The following FAM13A variants were observed in gnomAD, a reference collection of about 807,000 sequenced individuals.
The protein encoded by FAM13A is family with sequence similarity 13 member A.
A neutral mutation model predicts 129.6 loss-of-function variants in FAM13A; 76 were observed. The ratio of observed to expected loss-of-function variants is 0.59; its 90% CI spans 0.49 to 0.71. The LOEUF is 0.71. Ranked by LOEUF, FAM13A falls within the 30% of genes least tolerant of loss-of-function variation. The pLI is 0.00. For missense variants in FAM13A, 1,108 were observed against 1,249.3 expected, an observed-to-expected ratio of 0.89 and a Z score of 1.70; for synonymous variants, 443 against 449.9, an observed-to-expected ratio of 0.98 and a Z score of 0.20.
intron 7 of FAM13A, among the ~76,000 whole-genome samples, chr4:88,832,886 C>A (rs910451796): frequency 6.6e-6 from 1 of 152,106 alleles, no homozygotes; most frequent in Non-Finnish European, 1.5e-5. Flanking sequence ...TGGGTATATA[C>A]ACCCCAAAAT....
chr4:88,968,343 G>C (rs2148940179), intron 4 of FAM13A, among the ~76,000 whole-genome samples: 1 of 152,212 alleles, frequency 6.6e-6, no homozygotes, highest in East Asian at 1.9e-4. Context: ...TAAACAATTA[G>C]GGATAAAAGT....
rs1190086861 is a variant in FAM13A, at chr4:88,750,415, G to C, written c.1940+9C>G. The C allele has an allele frequency of 1.2e-6, 2 of 1,606,534 alleles. No individual in the cohort carries two copies. The highest frequency in any genetic ancestry group is 1.7e-6 in the Non-Finnish European group (2 of 1,173,008). ...TGCATTTGTCTATCAGCAACACAGA[G>C]AAACATACCTCATGAAAGAATGGGA... On this transcript the variant is annotated intron_variant, in intron 15 of 23. Coordinates refer to ENST00000264344, the MANE Select transcript of FAM13A (RefSeq NM_014883.4).
At chr4:88,933,591 C>T (rs1198109048) in intron 5 of FAM13A, among the ~76,000 whole-genome samples, 3 of 152,060 alleles carry the variant, frequency 2.0e-5, no homozygotes, top group African/African-American at 7.2e-5. Flanking sequence ...CCCTATTCTT[C>T]TAGCTTGCTT....
chr4:88,939,996 G>A (rs972679165), intron 4 of FAM13A, among the ~76,000 whole-genome samples: 8 of 152,194 alleles, frequency 5.3e-5, no homozygotes, highest in Admixed American at 3.9e-4. Flanking sequence ...AAGATCAAGA[G>A]CAGATGATTC....
At chr4:88,788,672 T>TACAC (rs1253946232) in intron 9 of FAM13A, among the ~76,000 whole-genome samples, 1 of 152,148 alleles carries the variant, frequency 6.6e-6, no homozygotes, top group East Asian at 1.9e-4. Flanking sequence ...AGCTGTAGAA[T>TACAC]CTTTCAAGGT....
At chr4:88,793,266 C>T (rs759171658) in intron 8 of FAM13A, among the ~76,000 whole-genome samples, 4 of 151,962 alleles carry the variant, frequency 2.6e-5, no homozygotes, top group African/African-American at 7.2e-5. Context: ...AAAGTCAACA[C>T]ATCGAAATTT....
chr4:88,919,730 T>C (rs1750704763), intron 5 of FAM13A, among the ~76,000 whole-genome samples: 2 of 152,170 alleles, frequency 1.3e-5, no homozygotes, highest in Admixed American at 6.5e-5. Flanking sequence ...ATGCGCGAGC[T>C]GAAGCAGGGC....
Position 89,025,245 on chromosome 4 carries a change from G to GTTTTTTTTTTTTTTTT in FAM13A, c.217+4199_217+4214dup, listed in dbSNP as rs56710705. ...GCTAAAGGTTAACCATGGAATCATT[G>GTTTTTTTTTTTTTTTT]TTTTTTTTTTTTTTTTTTTTTTTTT... On this transcript the variant is annotated intron_variant, in intron 2 of 23. Transcript: ENST00000264344. 2.1e-4 allele frequency among the ~76,000 whole-genome samples: 13 copies of GTTTTTTTTTTTTTTTT among 61,372 alleles called. 3 individuals are homozygous for GTTTTTTTTTTTTTTTT. The highest frequency in any genetic ancestry group is 3.9e-4 in the Non-Finnish European group (12 of 30,804). The allele number at this position is 61,372 out of a possible 152,430, so 40.3% of individuals were successfully genotyped here.
chr4:88,953,912 T>G (rs1369482485), intron 4 of FAM13A, among the ~76,000 whole-genome samples: 1 of 152,238 alleles, frequency 6.6e-6, no homozygotes, highest in African/African-American at 2.4e-5. Flanking sequence ...TTCTTGTACG[T>G]ATTTTTAAAA....
chr4:88,863,364 A>C (rs1470367408), intron 6 of FAM13A, among the ~76,000 whole-genome samples: 1 of 152,140 alleles, frequency 6.6e-6, no homozygotes, highest in Non-Finnish European at 1.5e-5. Flanking sequence ...GTGTGCCCAG[A>C]AGGGGCACTG....
intron 6 of FAM13A, among the ~76,000 whole-genome samples, chr4:88,864,707 A>T (rs1371798335): frequency 2.0e-5 from 3 of 152,164 alleles, no homozygotes; most frequent in Non-Finnish European, 4.4e-5. Context: ...ATGCCCGGCC[A>T]TTTGTGATCT....
At chr4:88,740,169 A>G (rs1037798825) in intron 19 of FAM13A, among the ~76,000 whole-genome samples, 2 of 152,096 alleles carry the variant, frequency 1.3e-5, no homozygotes, top group Admixed American at 6.5e-5. Context: ...TGTTTGGCAA[A>G]TTCCAGATGA....
intron 1 of FAM13A, among the ~76,000 whole-genome samples, chr4:89,033,935 T>C (rs1184790715): frequency 3.9e-5 from 6 of 152,174 alleles, no homozygotes; most frequent in Admixed American, 2.0e-4. Context: ...TAACTCAAAA[T>C]GAATTAAAGA....
intron 7 of FAM13A, among the ~76,000 whole-genome samples, chr4:88,806,587 T>C (rs1013191235): frequency 5.3e-5 from 8 of 152,182 alleles, no homozygotes; most frequent in African/African-American, 1.9e-4. Context: ...CATTCTCTCA[T>C]GATTTGGGTT....
At chr4:88,804,289 C>T (rs960218331) in intron 8 of FAM13A, among the ~76,000 whole-genome samples, 38 of 152,012 alleles carry the variant, frequency 2.5e-4, no homozygotes, top group East Asian at 1.9e-4. Flanking sequence ...AAATAAAAAG[C>T]AGTATACTTC....
intron 1 of FAM13A, among the ~76,000 whole-genome samples, chr4:89,052,242 G>T (rs1205626614): frequency 7.0e-6 from 1 of 143,244 alleles, no homozygotes. Context: ...AGGAGGTTCT[G>T]GGCAGCGCTT....
intron 4 of FAM13A, among the ~76,000 whole-genome samples, chr4:88,962,165 T>A (rs1236281380): frequency 4.6e-5 from 7 of 150,626 alleles, no homozygotes; most frequent in African/African-American, 9.7e-5. Flanking sequence ...AAAAAAAAAA[T>A]GAAATGAAAT....
At chr4:88,951,068 G>A (rs1579453305) in intron 4 of FAM13A, among the ~76,000 whole-genome samples, 1 of 152,164 alleles carries the variant, frequency 6.6e-6, no homozygotes, top group African/African-American at 2.4e-5. Flanking sequence ...GAGGAGCAAT[G>A]GGCTTAAGGG....
intron 3 of FAM13A, among the ~76,000 whole-genome samples, chr4:89,002,827 G>A (rs1326410404): frequency 1.3e-5 from 2 of 152,060 alleles, no homozygotes; most frequent in African/African-American, 2.4e-5. Flanking sequence ...AAAGTAAGAC[G>A]AGAATGTTCT....
Sources: gnomAD v4.1 joint callset for allele counts (sites outside exome capture counted in the v4.1 genomes callset) on GRCh38, gnomAD v4.1.1 for gene constraint, MANE v1.5 for transcripts, NCBI Gene and HGNC (gene_info 2026-07-23, HGNC 2026-07-21) for gene names.